Variants in ADGRL3 observed in about 807,000 individuals in gnomAD.
The protein encoded by ADGRL3 is adhesion G protein-coupled receptor L3, also known as calcium-independent alpha-latrotoxin receptor 3.
Under a neutral mutation model 153.5 loss-of-function variants are expected in ADGRL3, and 62 were observed. That is an observed-to-expected ratio of 0.40 (90% CI 0.33 to 0.50). The LOEUF is 0.50. Ranked by LOEUF, ADGRL3 falls within the 20% of genes least tolerant of loss-of-function variation. ADGRL3 has a pLI of 0.47. For missense variants in ADGRL3, 1,641 were observed against 1,859.4 expected (o/e 0.88, Z 2.16); for synonymous variants, 710 against 672.5 (o/e 1.06, Z -0.86).
intron 1 of ADGRL3, among the ~76,000 whole-genome samples, chr4:61,355,012 T>C (rs1423738403): frequency 6.6e-6 from 1 of 152,162 alleles, no homozygotes. Flanking sequence ...GGTCCTTTAC[T>C]GAGGTCCTTA....
chr4:62,032,286 A>T, intron 23 of ADGRL3, among the ~76,000 whole-genome samples: 1 of 151,400 alleles, frequency 6.6e-6, no homozygotes, highest in Middle Eastern at 3.4e-3. Flanking sequence ...ATATATATAA[A>T]TTTTCAAAGT....
chr4:61,366,642 T>C (rs1185515892), intron 1 of ADGRL3, among the ~76,000 whole-genome samples: 1 of 152,202 alleles, frequency 6.6e-6, no homozygotes, highest in Non-Finnish European at 1.5e-5. Context: ...ACAGATATTT[T>C]ATTTTTATTT....
intron 2 of ADGRL3, among the ~76,000 whole-genome samples, chr4:61,440,756 A>G (rs898074688): frequency 7.9e-5 from 12 of 152,256 alleles, no homozygotes; most frequent in African/African-American, 2.2e-4. Context: ...TCTTATCCCA[A>G]TTCTTCTAGT....
intron 1 of ADGRL3, among the ~76,000 whole-genome samples, chr4:61,207,770 G>A (rs1738003407): frequency 6.6e-6 from 1 of 152,112 alleles, no homozygotes; most frequent in Admixed American, 6.6e-5. Flanking sequence ...CTCTCATTGT[G>A]GTTTTGATTT....
rs369899126 is a variant in ADGRL3 at position 61,892,813 on chromosome 4, T to C, written c.1638T>C (p.Asp546=). 37 of 1,613,826 alleles carry C rather than the reference T, an allele frequency of 2.3e-5. No homozygotes were observed. The African/African-American group carries it at 4.1e-4, about 18-fold the overall frequency. Residue 546 remains aspartate (D), a synonymous_variant, in exon 10 of 27, where the codon GAT becomes GAC. Transcript: ENST00000683033. ...STPSPAVEVL[D]DMTTHLPSAS... ...CATCTCCAGCTGTCGAGGTACTTGA[T>C]GACATGACCACACACCTTCCATCAG...
chr4:61,845,602 G>A (rs1362996848), intron 9 of ADGRL3, among the ~76,000 whole-genome samples: 10 of 150,106 alleles, frequency 6.7e-5, no homozygotes, highest in South Asian at 2.1e-4. Flanking sequence ...CTGGGCTCAC[G>A]TTACCCTCCC....
chr4:61,316,881 T>C (rs535775167), intron 1 of ADGRL3, among the ~76,000 whole-genome samples: 1 of 152,342 alleles, frequency 6.6e-6, no homozygotes, highest in Non-Finnish European at 1.5e-5. Context: ...GCCTTCTCTT[T>C]ATTATTTTTT....
intron 6 of ADGRL3, among the ~76,000 whole-genome samples, chr4:61,690,304 T>TCCAC (rs2095517258): frequency 6.6e-6 from 1 of 151,952 alleles, no homozygotes; most frequent in Non-Finnish European, 1.5e-5. Context: ...ATTAGCCAGG[T>TCCAC]GTGGTGGTGC....
intron 5 of ADGRL3, among the ~76,000 whole-genome samples, chr4:61,664,705 TA>T (rs1238127797): frequency 1.9e-4 from 29 of 152,202 alleles, no homozygotes; most frequent in Non-Finnish European, 3.8e-4. Flanking sequence ...TATTTGTTCT[TA>T]AAGTCTGAAA....
intron 1 of ADGRL3, among the ~76,000 whole-genome samples, chr4:61,247,642 C>T (rs1308308986): frequency 5.3e-5 from 8 of 151,910 alleles, no homozygotes; most frequent in Non-Finnish European, 1.0e-4. Flanking sequence ...AATTAAACAA[C>T]GGAAGGATAC....
In ADGRL3 at chr4:61,701,510, C is replaced by G. The variant is rs566938532; in HGVS notation, c.583+24575C>G. ...AGTGCAATGATGCAATCTTGGCTCA[C>G]TGCAACCCCTGCCTCCCAGTTTCAA... On this transcript the variant is annotated intron_variant, in intron 6 of 26. Coordinates refer to ENST00000683033, the MANE Select transcript of ADGRL3 (RefSeq NM_001387552.1). 7.1e-5 allele frequency among the ~76,000 whole-genome samples: 10 copies of G among 141,788 alleles called. No individual in the cohort carries two copies. The East Asian group carries it at 1.7e-3, about 24-fold the overall frequency. 93.0% of individuals were successfully genotyped at this position (141,788 alleles called of 152,430 possible). A position where few individuals can be genotyped will look rare whatever the true frequency, so the allele number is the denominator to read the frequency against.
chr4:61,851,002 A>T (rs2098195788), intron 9 of ADGRL3, among the ~76,000 whole-genome samples: 1 of 152,212 alleles, frequency 6.6e-6, no homozygotes, highest in African/African-American at 2.4e-5. Flanking sequence ...ATTAAAAGTG[A>T]ATAAAAAAGT....
At chr4:61,344,820 CTT>C (rs1437368319) in intron 1 of ADGRL3, among the ~76,000 whole-genome samples, 4 of 151,836 alleles carry the variant, frequency 2.6e-5, no homozygotes, top group Non-Finnish European at 4.4e-5. Context: ...GAGTTTCCCT[CTT>C]GTTGCCCAGG....
At chr4:61,980,077 A>G (rs1258255864) in intron 18 of ADGRL3, among the ~76,000 whole-genome samples, 1 of 152,140 alleles carries the variant, frequency 6.6e-6, no homozygotes, top group South Asian at 2.1e-4. Flanking sequence ...GCTCCCACAC[A>G]TGCATAGTGT....
At chr4:61,280,065 C>G (rs1032416399) in intron 1 of ADGRL3, among the ~76,000 whole-genome samples, 1 of 146,712 alleles carries the variant, frequency 6.8e-6, no homozygotes, top group Non-Finnish European at 1.5e-5. Context: ...CAGTTTATTT[C>G]TTTCTTAAAT....
chr4:61,370,616 C>A (rs1340597007), intron 1 of ADGRL3, among the ~76,000 whole-genome samples: 2 of 151,854 alleles, frequency 1.3e-5, no homozygotes, highest in Admixed American at 1.3e-4. Flanking sequence ...AATTTCTGTT[C>A]TTTTACATTT....
At chr4:61,605,080 ACT>A (rs1272605702) in intron 5 of ADGRL3, among the ~76,000 whole-genome samples, 1 of 121,890 alleles carries the variant, frequency 8.2e-6, no homozygotes. Flanking sequence ...ACAGAGTGAG[ACT>A]CTGTCTCAAA....
intron 8 of ADGRL3, among the ~76,000 whole-genome samples, chr4:61,756,458 C>T (rs535258518): frequency 6.6e-5 from 10 of 151,998 alleles, no homozygotes; most frequent in Admixed American, 2.6e-4. Flanking sequence ...GTGATTTTTG[C>T]ACATTGATTT....
chr4:61,221,003 C>G (rs912076364), intron 1 of ADGRL3, among the ~76,000 whole-genome samples: 3 of 152,054 alleles, frequency 2.0e-5, no homozygotes, highest in African/African-American at 7.2e-5. Context: ...CACATTTTCC[C>G]CTGAATCAAT....
Sources: allele counts gnomAD v4.1 joint callset (sites outside exome capture counted in the v4.1 genomes callset), GRCh38; gene constraint gnomAD v4.1.1; transcripts MANE v1.5; gene names NCBI Gene and HGNC (gene_info 2026-07-23, HGNC 2026-07-21).